TRHDE: variants seen among roughly 807,000 people sequenced by gnomAD.
TRHDE encodes thyrotropin-releasing hormone-degrading ectoenzyme.
TRHDE carries 72 observed loss-of-function variants against 125.7 expected under a neutral mutation model. That is an observed-to-expected ratio of 0.57 (90% confidence interval 0.47 to 0.70). TRHDE has a LOEUF of 0.70. Among genes scored for constraint, TRHDE ranks in the 30% least tolerant of loss-of-function variants. The probability of loss-of-function intolerance (pLI) is 0.00; values close to 1 mark genes in which losing one functional copy is unlikely to be tolerated. For synonymous variants in TRHDE, 509 were observed against 509.1 expected (o/e 1.00, Z 0.00); for missense variants, 1,110 against 1,327.1 (o/e 0.84, Z 2.54).
intron 3 of TRHDE, among the ~76,000 whole-genome samples, chr12:72,409,692 G>C (rs1200132942): frequency 4.6e-5 from 7 of 152,194 alleles, no homozygotes; most frequent in Admixed American, 4.6e-4. Context: ...TGTGATTGCA[G>C]TATGATTTGG....
At chr12:72,216,340 A>G (rs573295525) in intron 2 of TRHDE, among the ~76,000 whole-genome samples, 2 of 152,274 alleles carry the variant, frequency 1.3e-5, no homozygotes, top group South Asian at 2.1e-4. Context: ...CTTTATTCTT[A>G]TGAAATCCTT....
chr12:72,255,220 CAA>C (rs1361701462), intron 2 of TRHDE: 4 of 152,144 alleles, frequency 2.6e-5, no homozygotes, highest in Admixed American at 6.5e-5. Context: ...TAACCAATCC[CAA>C]GAGAGGACTT....
chr12:72,518,962 T>G (rs889139936), intron 6 of TRHDE, among the ~76,000 whole-genome samples: 2 of 152,196 alleles, frequency 1.3e-5, no homozygotes, highest in African/African-American at 4.8e-5. Context: ...TTAAGAATGT[T>G]GAATATTGGC....
At position 72,509,278 on chromosome 12, in the gene TRHDE, C is replaced by T. The variant is rs562312067; in HGVS notation, c.1722+9643C>T. Among the ~76,000 whole-genome samples the T allele has an allele frequency of 1.8e-3, 276 of 152,102 alleles. 1 individual carries two copies. Among genetic ancestry groups the T allele is most frequent in the Admixed American group, 5.2e-3 (79 of 15,260 alleles). ...ATTCCATAATAACCACCGCACCCCCCCGCACACACAAAATGATAATAAAAG... is the reference window on the plus strand; with the variant it reads ...ATTCCATAATAACCACCGCACCCCCTCGCACACACAAAATGATAATAAAAG... On this transcript the variant is annotated intron_variant, in intron 6 of 18. Coordinates refer to ENST00000261180, the MANE Select transcript of TRHDE (RefSeq NM_013381.3).
intron 2 of TRHDE, among the ~76,000 whole-genome samples, chr12:72,346,009 GA>G (rs1178203379): frequency 6.6e-6 from 1 of 151,852 alleles, no homozygotes; most frequent in Non-Finnish European, 1.5e-5. Context: ...TTTCTATTAA[GA>G]TAAAGAATGT....
At chr12:72,574,491 A>G (rs1870896438) in intron 10 of TRHDE, among the ~76,000 whole-genome samples, 1 of 152,140 alleles carries the variant, frequency 6.6e-6, no homozygotes, top group African/African-American at 2.4e-5. Flanking sequence ...CTGTGTTTCC[A>G]TGGAGTCAAT....
chr12:72,318,468 G>A (rs1043714229), intron 2 of TRHDE, among the ~76,000 whole-genome samples: 2 of 152,158 alleles, frequency 1.3e-5, no homozygotes, highest in African/African-American at 2.4e-5. Context: ...CCTTAGATAC[G>A]ATTATGAATT....
chr12:72,273,091 G>T lies in TRHDE; in HGVS notation c.448G>T (p.Asp150Tyr). ...CCGGCGCAACCACCACGCAGGCGGGGACTCCTGGCAGCCCGAGGCGGGTGG... is the reference window on the plus strand; with the variant it reads ...CCGGCGCAACCACCACGCAGGCGGGTACTCCTGGCAGCCCGAGGCGGGTGG... ...SARRNHHAGG[D>Y]SWQPEAGGVA... The change falls in exon 1 of 19, where the codon GAC becomes TAC. Residue 150 changes from aspartate (D) to tyrosine (Y), a missense_variant. Asp to Tyr is a radical substitution (Grantham distance 160). Around this residue, in one of 5 missense-constraint regions of TRHDE, gnomAD observed 248 missense variants for 240.8 expected, o/e 1.03. Transcript: ENST00000261180. This position sits in a 1 kb window ranked among gnomAD's most constrained non-coding sequence, Gnocchi z 5.3. 1 of 1,525,842 alleles carries T rather than the reference G, an allele frequency of 6.6e-7. No individual in the cohort carries two copies. Among genetic ancestry groups the T allele is most frequent in the Non-Finnish European group, 8.8e-7 (1 of 1,138,858 alleles). 94.5% of individuals were successfully genotyped at this position (1,525,842 alleles called of 1,614,324 possible). A position where few individuals can be genotyped will look rare whatever the true frequency, so the allele number is the denominator to read the frequency against.
intron 2 of TRHDE, among the ~76,000 whole-genome samples, chr12:72,363,226 T>G (rs1871188213): frequency 6.6e-6 from 1 of 151,896 alleles, no homozygotes. Context: ...CTTCTGAAAC[T>G]ATTCCAATCA....
intron 12 of TRHDE, among the ~76,000 whole-genome samples, chr12:72,591,769 A>G (rs1871697438): frequency 6.6e-6 from 1 of 151,260 alleles, no homozygotes; most frequent in Non-Finnish European, 1.5e-5. Context: ...TTATAGAACT[A>G]TGGATTGATG....
At chr12:72,296,125 A>G (rs1020169732) in intron 2 of TRHDE, among the ~76,000 whole-genome samples, 4 of 152,318 alleles carry the variant, frequency 2.6e-5, no homozygotes, top group Middle Eastern at 3.4e-3. Context: ...TTCATGTTGT[A>G]TGTAGAAAAT....
intron 2 of TRHDE, among the ~76,000 whole-genome samples, chr12:72,368,814 C>T (rs1255237948): frequency 6.6e-6 from 1 of 152,144 alleles, no homozygotes; most frequent in East Asian, 1.9e-4. Flanking sequence ...CTGAAGTTCT[C>T]TTCCATTTTG....
intron 2 of TRHDE, among the ~76,000 whole-genome samples, chr12:72,208,790 G>A (rs568073241): frequency 8.5e-5 from 13 of 152,236 alleles, no homozygotes; most frequent in Admixed American, 2.0e-4. Flanking sequence ...CTATATCCAT[G>A]CCTTAATCAG....
At chr12:72,607,426 C>G (rs1872490856) in intron 12 of TRHDE, among the ~76,000 whole-genome samples, 1 of 151,996 alleles carries the variant, frequency 6.6e-6, no homozygotes, top group Admixed American at 6.6e-5. Context: ...AATGCTGTTT[C>G]CTTCATTGAT....
intron 2 of TRHDE, among the ~76,000 whole-genome samples, chr12:72,209,390 C>G (rs1221098255): frequency 6.6e-6 from 1 of 152,106 alleles, no homozygotes; most frequent in Non-Finnish European, 1.5e-5. Flanking sequence ...TGCCTAGGGT[C>G]TAATACAAGC....
chr12:72,454,185 TG>T (rs905256011), intron 3 of TRHDE, among the ~76,000 whole-genome samples: 1 of 149,602 alleles, frequency 6.7e-6, no homozygotes, highest in Non-Finnish European at 1.5e-5. Context: ...TTGATAAATT[TG>T]TTTTTTTTTA....
chr12:72,208,773 C>T (rs1877719729), intron 2 of TRHDE, among the ~76,000 whole-genome samples: 1 of 152,098 alleles, frequency 6.6e-6, no homozygotes, highest in Admixed American at 6.5e-5. Flanking sequence ...ACTATCAATC[C>T]TAGATTCTAT....
intron 2 of TRHDE, among the ~76,000 whole-genome samples, chr12:72,206,575 A>G (rs1259610806): frequency 1.3e-5 from 2 of 152,138 alleles, no homozygotes; most frequent in African/African-American, 4.8e-5. Context: ...TGTTGGTTAT[A>G]TATCTGTCAG....
At chr12:72,376,164 C>T (rs959452157) in intron 2 of TRHDE, among the ~76,000 whole-genome samples, 2 of 152,166 alleles carry the variant, frequency 1.3e-5, no homozygotes, top group African/African-American at 4.8e-5. Context: ...GCAGTGTGAA[C>T]TCACCAGCGT....
Sources: gnomAD v4.1 joint callset for allele counts (sites outside exome capture counted in the v4.1 genomes callset) on GRCh38, gnomAD v4.1.1 for gene constraint, gnomAD v4.1.1 regional missense constraint, Gnocchi (gnomAD v3.1) non-coding constraint, MANE v1.5 for transcripts, NCBI Gene and HGNC (gene_info 2026-07-23, HGNC 2026-07-21) for gene names.